ITGA8: variants seen among roughly 807,000 people sequenced by gnomAD.
The protein encoded by ITGA8 is integrin alpha-8.
Under a neutral mutation model 142.3 loss-of-function variants are expected in ITGA8, and 91 were observed. The observed-to-expected ratio is 0.64, with a 90% CI of 0.54 to 0.76. The LOEUF (loss-of-function observed/expected upper bound fraction) is 0.76, where lower values mean the gene tolerates loss of function less well. ITGA8 is among the 30% of genes least tolerant of loss of function. ITGA8 has a pLI of 0.00. For missense variants in ITGA8, 1,406 were observed against 1,327.7 expected (o/e 1.06, Z -0.92); for synonymous variants, 505 against 485.2 (o/e 1.04, Z -0.54).
chr10:15,522,019 G>A (rs1474896058), intron 28 of ITGA8, among the ~76,000 whole-genome samples: 1 of 152,160 alleles, frequency 6.6e-6, no homozygotes, highest in African/African-American at 2.4e-5. Context: ...ATACATTCTA[G>A]TGTTCAGTAA....
intron 6 of ITGA8, 47 bp from the exon 7 acceptor site, chr10:15,672,796 AG>A (rs1564402752): frequency 6.5e-7 from 1 of 1,527,488 alleles, no homozygotes. Flanking sequence ...AGCAAGAGGC[AG>A]GCCCTCCATG....
intron 17 of ITGA8, among the ~76,000 whole-genome samples, chr10:15,606,953 G>T (rs9333161): frequency 0.014 from 2,121 of 152,190 alleles, 44 homozygotes; most frequent in African/African-American, 0.048. Flanking sequence ...TAGTAGAGAG[G>T]GGTAAGCACC....
intron 3 of ITGA8, among the ~76,000 whole-genome samples, chr10:15,686,698 T>C (rs1834838159): frequency 6.6e-6 from 1 of 152,236 alleles, no homozygotes; most frequent in African/African-American, 2.4e-5. Flanking sequence ...ATGTTCATTC[T>C]GCTAAGTTTC....
intron 2 of ITGA8, among the ~76,000 whole-genome samples, chr10:15,697,137 G>A (rs949709506): frequency 6.6e-6 from 1 of 151,822 alleles, no homozygotes; most frequent in African/African-American, 2.4e-5. Flanking sequence ...TTATAAATAA[G>A]GGACTCAAAA....
chr10:15,592,870 G>C (rs1832949675), intron 21 of ITGA8, among the ~76,000 whole-genome samples: 1 of 152,174 alleles, frequency 6.6e-6, no homozygotes, highest in Non-Finnish European at 1.5e-5. Flanking sequence ...GGGATTACAA[G>C]CATGAACCAC....
intron 2 of ITGA8, among the ~76,000 whole-genome samples, chr10:15,710,291 C>A (rs1352680348): frequency 6.6e-6 from 1 of 152,080 alleles, no homozygotes; most frequent in Non-Finnish European, 1.5e-5. Context: ...TCATGTTAAT[C>A]TTGATTCTTT....
intron 27 of ITGA8, among the ~76,000 whole-genome samples, chr10:15,536,690 C>T (rs1482859682): frequency 6.6e-6 from 1 of 152,188 alleles, no homozygotes; most frequent in African/African-American, 2.4e-5. Flanking sequence ...CCCCAGCTGG[C>T]TATTAATCCC....
At position 15,688,393 on chromosome 10, in the gene ITGA8, C is replaced by A. The variant is rs374692273; in HGVS notation, c.344-355G>T. ...GGCTGAGATGAGAAAATCACTTGAA[C>A]CCAGGAGGTGGAGGTTGCAGTGAAC... On this transcript the variant is annotated intron_variant, in intron 2 of 29. Coordinates refer to ENST00000378076, the MANE Select transcript of ITGA8 (RefSeq NM_003638.3). 5.9e-5 allele frequency among the ~76,000 whole-genome samples: 9 copies of A among 151,344 alleles called. No homozygotes were observed. In the East Asian group the frequency reaches 9.8e-4, roughly 16 times the overall value.
chr10:15,707,550 C>T (rs551466140), intron 2 of ITGA8, among the ~76,000 whole-genome samples: 2 of 152,218 alleles, frequency 1.3e-5, no homozygotes, highest in African/African-American at 4.8e-5. Flanking sequence ...AGGCTAGGTG[C>T]AGTGGCTCAC....
chr10:15,575,990 A>T (rs981407558), intron 23 of ITGA8, among the ~76,000 whole-genome samples: 1 of 151,536 alleles, frequency 6.6e-6, no homozygotes, highest in Non-Finnish European at 1.5e-5. Context: ...TGTATGGGTT[A>T]TTTAATCCCT....
chr10:15,627,655 CAG>C (rs1236188346), intron 13 of ITGA8, among the ~76,000 whole-genome samples: 1 of 152,214 alleles, frequency 6.6e-6, no homozygotes, highest in African/African-American at 2.4e-5. Flanking sequence ...AGGTTTGAGA[CAG>C]AGATTCCCCA....
intron 28 of ITGA8, among the ~76,000 whole-genome samples, chr10:15,524,281 T>A (rs1275332948): frequency 6.6e-6 from 1 of 152,134 alleles, no homozygotes; most frequent in East Asian, 1.9e-4. Flanking sequence ...ACAGTGGAAA[T>A]ACAGAAAACC....
chr10:15,629,474 C>T (rs891191288), intron 13 of ITGA8, among the ~76,000 whole-genome samples: 4 of 152,064 alleles, frequency 2.6e-5, no homozygotes, highest in Admixed American at 1.3e-4. Flanking sequence ...CATTTTTCCT[C>T]TGCCCCACTT....
intron 11 of ITGA8, among the ~76,000 whole-genome samples, chr10:15,647,714 G>A (rs958899315): frequency 1.3e-5 from 2 of 150,566 alleles, no homozygotes; most frequent in Admixed American, 6.6e-5. Context: ...CACCCGCCTC[G>A]GCCTCCCAAA....
chr10:15,531,167 T>A lies in ITGA8; in HGVS notation c.2881-16A>T. 1 of 1,291,030 alleles carries A rather than the reference T, an allele frequency of 7.7e-7. No homozygotes were observed. 80.0% of individuals were successfully genotyped at this position (1,291,030 alleles called of 1,614,324 possible). Reference sequence around the variant, plus strand: ...CATTTTTTCTCTGAAAGTAAAAGTATTTATTTAAATATATTTCATATAAAG... The same window carrying A: ...CATTTTTTCTCTGAAAGTAAAAGTAATTATTTAAATATATTTCATATAAAG... On this transcript the variant is annotated splice_polypyrimidine_tract_variant and intron_variant, in intron 27 of 29. Transcript: ENST00000378076.
chr10:15,612,439 T>C (rs1833315088), intron 15 of ITGA8, among the ~76,000 whole-genome samples: 2 of 152,100 alleles, frequency 1.3e-5, no homozygotes, highest in Non-Finnish European at 2.9e-5. Flanking sequence ...TCCTGAAAAA[T>C]AAGGGCAAAA....
intron 23 of ITGA8, among the ~76,000 whole-genome samples, chr10:15,577,565 T>C (rs552800661): frequency 2.6e-4 from 40 of 152,028 alleles, no homozygotes; most frequent in Non-Finnish European, 3.5e-4. Context: ...CAAAACATCA[T>C]GTCAAAATCA....
At chr10:15,650,953 GT>G (rs1165727463) in intron 11 of ITGA8, among the ~76,000 whole-genome samples, 2 of 152,108 alleles carry the variant, frequency 1.3e-5, no homozygotes, top group Non-Finnish European at 2.9e-5. Context: ...GATATATCCT[GT>G]ATGAATGAAC....
chr10:15,537,004 C>G (rs1293951604), intron 27 of ITGA8, among the ~76,000 whole-genome samples: 3 of 152,088 alleles, frequency 2.0e-5, no homozygotes, highest in Non-Finnish European at 4.4e-5. Context: ...TTTGAGGTGA[C>G]AAAACCTAAG....
Sources: gnomAD v4.1 joint callset for allele counts (sites outside exome capture counted in the v4.1 genomes callset) on GRCh38, gnomAD v4.1.1 for gene constraint, MANE v1.5 for transcripts, NCBI Gene and HGNC (gene_info 2026-07-23, HGNC 2026-07-21) for gene names.